GHR: variants seen among roughly 807,000 people sequenced by gnomAD.
The protein encoded by GHR is growth hormone receptor, also known as GH receptor.
A neutral mutation model predicts 67.1 loss-of-function variants in GHR; 35 were observed. The ratio of observed to expected loss-of-function variants is 0.52; its 90% CI spans 0.40 to 0.69. The LOEUF is 0.69. GHR is among the 30% of genes least tolerant of loss of function. The pLI, the probability that GHR is intolerant of heterozygous loss-of-function variation, is 0.00. For missense variants in GHR, 792 were observed against 764.6 expected (o/e 1.04, Z -0.42); for synonymous variants, 272 against 269.1 (o/e 1.01, Z -0.10).
intron 2 of GHR, among the ~76,000 whole-genome samples, chr5:42,605,979 G>A (rs1752612389): frequency 6.6e-6 from 1 of 152,162 alleles, no homozygotes; most frequent in Admixed American, 6.5e-5. Context: ...ACTGAGCTTG[G>A]GGAACTAGCT....
chr5:42,481,307 G>A (rs1233252667), intron 1 of GHR, among the ~76,000 whole-genome samples: 1 of 152,154 alleles, frequency 6.6e-6, no homozygotes, highest in Non-Finnish European at 1.5e-5. Flanking sequence ...CTTTCTCTCT[G>A]GCTGCCCTGA....
At chr5:42,429,146 C>G (rs1157365859) in intron 1 of GHR, among the ~76,000 whole-genome samples, 1 of 152,164 alleles carries the variant, frequency 6.6e-6, no homozygotes, top group Non-Finnish European at 1.5e-5. Flanking sequence ...TTCCACATGG[C>G]TGGGAGGCCT....
At chr5:42,702,153 C>T (rs1757962590) in intron 6 of GHR, among the ~76,000 whole-genome samples, 1 of 152,020 alleles carries the variant, frequency 6.6e-6, no homozygotes, top group South Asian at 2.1e-4. Flanking sequence ...TTCTTAAACT[C>T]ATTCCTACTA....
At chr5:42,662,405 C>A (rs529999441) in intron 3 of GHR, among the ~76,000 whole-genome samples, 57 of 152,270 alleles carry the variant, frequency 3.7e-4, no homozygotes, top group African/African-American at 1.3e-3. Context: ...AACAAACTGT[C>A]TCTCAGACCA....
intron 1 of GHR, among the ~76,000 whole-genome samples, chr5:42,447,220 G>A (rs1185114070): frequency 2.6e-5 from 4 of 152,120 alleles, no homozygotes; most frequent in Non-Finnish European, 4.4e-5. Flanking sequence ...TAGCGGTGAT[G>A]TCTAAGATTG....
chr5:42,594,452 T>C (rs1187057815), intron 2 of GHR, among the ~76,000 whole-genome samples: 2 of 152,196 alleles, frequency 1.3e-5, no homozygotes, highest in Non-Finnish European at 1.5e-5. Flanking sequence ...TTGGAGCTTT[T>C]TTCTTCATGC....
At chr5:42,486,213 G>T (rs1579799879) in intron 1 of GHR, among the ~76,000 whole-genome samples, 1 of 152,232 alleles carries the variant, frequency 6.6e-6, no homozygotes, top group South Asian at 2.1e-4. Context: ...ATCTTCTCTG[G>T]ATATTTATCC....
At position 42,563,875 on chromosome 5, in the gene GHR, C is replaced by CT. The variant is rs142956231; in HGVS notation, c.-11-1982dup. Among the ~76,000 whole-genome samples the CT allele has an allele frequency of 7.7e-3, 1,178 of 152,152 alleles. 16 individuals are homozygous for CT. The highest frequency in any genetic ancestry group is 0.026 in the African/African-American group (1,086 of 41,526). ...ACAGGATGGCATTTTTAGCCTATAA[C>CT]TTTTTTTCAGCCTTTTAATATATTT... On this transcript the variant is annotated intron_variant, in intron 1 of 9. Transcript: ENST00000230882.
intron 3 of GHR, among the ~76,000 whole-genome samples, chr5:42,676,110 C>T (rs534380633): frequency 2.6e-5 from 4 of 152,194 alleles, no homozygotes; most frequent in Admixed American, 1.3e-4. Flanking sequence ...AATGGTGAAA[C>T]CCAGTCTCTA....
rs187831361 is a variant in GHR, at chr5:42,462,865, A to G, written c.-12+38910A>G. Among the ~76,000 whole-genome samples, 689 of 152,300 alleles carry G rather than the reference A, an allele frequency of 4.5e-3. 6 individuals are homozygous for G. The highest frequency in any genetic ancestry group is 6.9e-3 in the Non-Finnish European group (469 of 68,016). ...TTGAAATGGAAAATCAGGATGTGTT[A>G]AAAATGAATTAGTAATTATATTAAG... On this transcript the variant is annotated intron_variant, in intron 1 of 9. Transcript: ENST00000230882.
At chr5:42,603,327 C>A (rs147273203) in intron 2 of GHR, among the ~76,000 whole-genome samples, 2 of 152,156 alleles carry the variant, frequency 1.3e-5, no homozygotes, top group African/African-American at 4.8e-5. Context: ...TGTGTCCTGG[C>A]GTGGGTCTCT....
intron 3 of GHR, chr5:42,647,627 T>A (rs1314086791): frequency 2.3e-6 from 1 of 432,300 alleles, no homozygotes; most frequent in Non-Finnish European, 4.6e-6. Flanking sequence ...AAAAATTTGA[T>A]GACTTTAATT....
intron 1 of GHR, among the ~76,000 whole-genome samples, chr5:42,528,312 T>C (rs1747800391): frequency 6.6e-6 from 1 of 151,678 alleles, no homozygotes; most frequent in Non-Finnish European, 1.5e-5. Context: ...TAGGAGGAGG[T>C]CAAAATATCA....
intron 1 of GHR, among the ~76,000 whole-genome samples, chr5:42,443,156 T>G (rs955960064): frequency 6.6e-6 from 1 of 152,220 alleles, no homozygotes; most frequent in Non-Finnish European, 1.5e-5. Context: ...TGGACTTCTC[T>G]TAGCCAGGAT....
chr5:42,577,747 C>T (rs900237446), intron 2 of GHR, among the ~76,000 whole-genome samples: 51 of 152,020 alleles, frequency 3.4e-4, no homozygotes, highest in African/African-American at 1.2e-3. Context: ...ATGGAAGTAC[C>T]CAGGTGCTAG....
intron 3 of GHR, among the ~76,000 whole-genome samples, chr5:42,669,658 G>A (rs2112895974): frequency 6.6e-6 from 1 of 152,246 alleles, no homozygotes; most frequent in East Asian, 1.9e-4. Context: ...ATAAGTCAGT[G>A]GTTCCCAAAT....
Position 42,665,610 on chromosome 5 carries a change from G to A in GHR, c.137-23280G>A, listed in dbSNP as rs538428899. 4.6e-5 allele frequency among the ~76,000 whole-genome samples: 7 copies of A among 152,102 alleles called. No homozygotes were observed. The East Asian group carries it at 1.4e-3, about 29-fold the overall frequency. ...GGGGACTGTTGTGGGGGTGGAGGAG[G>A]GGGAAGGGATAGCTTTAGGAGATAT... On this transcript the variant is annotated intron_variant, in intron 3 of 9. Coordinates refer to ENST00000230882, the MANE Select transcript of GHR (RefSeq NM_000163.5).
At chr5:42,682,908 G>T (rs954334251) in intron 3 of GHR, among the ~76,000 whole-genome samples, 1 of 152,214 alleles carries the variant, frequency 6.6e-6, no homozygotes, top group African/African-American at 2.4e-5. Context: ...AGCCAGGGCT[G>T]TGGTCTCATC....
At chr5:42,577,938 A>C (rs891416325) in intron 2 of GHR, among the ~76,000 whole-genome samples, 1 of 152,224 alleles carries the variant, frequency 6.6e-6, no homozygotes, top group South Asian at 2.1e-4. Flanking sequence ...TAGTACGTTA[A>C]GTAAATTTCC....
Sources: gnomAD v4.1 joint callset for allele counts (sites outside exome capture counted in the v4.1 genomes callset) on GRCh38, gnomAD v4.1.1 for gene constraint, MANE v1.5 for transcripts, NCBI Gene and HGNC (gene_info 2026-07-23, HGNC 2026-07-21) for gene names.